The following CRMP1 variants were observed in gnomAD, a reference collection of about 807,000 sequenced individuals.
The protein encoded by CRMP1 is collapsin response mediator protein 1.
CRMP1 carries 19 observed loss-of-function variants against 68.3 expected under a neutral mutation model. The ratio of observed to expected loss-of-function variants is 0.28; its 90% CI spans 0.19 to 0.41. The LOEUF (loss-of-function observed/expected upper bound fraction) is 0.41, where lower values mean the gene tolerates loss of function less well. CRMP1 is among the 10% of genes least tolerant of loss of function. The pLI is 1.00. For missense variants in CRMP1, 791 were observed against 967.4 expected, an observed-to-expected ratio of 0.82 and a Z score of 2.42; for synonymous variants, 439 against 399.6, an observed-to-expected ratio of 1.10 and a Z score of -1.18.
rs971793643 is a variant in CRMP1 at position 5,833,304 on chromosome 4, C to A, written c.1623+2611G>T. On this transcript the variant is annotated intron_variant, in intron 11 of 13. Transcript: ENST00000324989. ...GCCTCAGCCTCCCGAGTAGCTGGGA[C>A]TACAGGCGCCCGCCACTACGCCCGG... Among the ~76,000 whole-genome samples, 6 of 131,262 alleles carry A rather than the reference C, an allele frequency of 4.6e-5. 1 individual carries two copies. The highest frequency in any genetic ancestry group is 8.2e-5 in the Non-Finnish European group (5 of 60,950). The allele number at this position is 131,262 out of a possible 152,430, so 86.1% of individuals were successfully genotyped here.
chr4:5,860,097 C>T lies in CRMP1; in HGVS notation c.655+929G>A, dbSNP rs1392591074. On this transcript the variant is annotated intron_variant, in intron 3 of 13. Transcript: ENST00000324989. This position sits in a 1 kb window ranked among gnomAD's most constrained non-coding sequence, Gnocchi z 4.2. ...CGAGCACTGCTGGGGAGTGGTCTCA[C>T]TGCCCGCAGTGTTTCCTTCCCTCCC... is the stretch of plus-strand genomic sequence containing the variant. 1.3e-5 allele frequency among the ~76,000 whole-genome samples: 2 copies of T among 152,092 alleles called. No individual in the cohort carries two copies. Among genetic ancestry groups the T allele is most frequent in the Non-Finnish European group, 1.5e-5 (1 of 68,002 alleles).
Position 5,841,774 on chromosome 4 carries a change from G to A in CRMP1, c.1033-346C>T, listed in dbSNP as rs908261046. 7.9e-5 allele frequency among the ~76,000 whole-genome samples: 12 copies of A among 152,246 alleles called. No homozygotes were observed. Among genetic ancestry groups the A allele is most frequent in the Admixed American group, 2.6e-4 (4 of 15,296 alleles). ...TGGGATCTCAAGCCCCTCAGGACAC[G>A]GAACCTGTCCACTCATGTGGACTCA... On this transcript the variant is annotated intron_variant, in intron 7 of 13. Transcript: ENST00000324989. This position sits in a 1 kb window ranked among gnomAD's most constrained non-coding sequence, Gnocchi z 6.9.
chr4:5,844,205 C>T (rs914496484), intron 6 of CRMP1, among the ~76,000 whole-genome samples: 5 of 152,018 alleles, frequency 3.3e-5, no homozygotes, highest in Admixed American at 1.3e-4. Flanking sequence ...TTGAAGTAAA[C>T]AATGGAATAA....
Position 5,865,815 on chromosome 4 carries a change from A to C in CRMP1, c.470+853T>G, listed in dbSNP as rs941157237. ...CAGGAGTGGGGCTGGAATCCAACAA[A>C]ACTGGTGACCTTAGAAGAAGAGACC... is the stretch of plus-strand genomic sequence containing the variant. On this transcript the variant is annotated intron_variant, in intron 2 of 13. Transcript: ENST00000324989. The surrounding 1 kb of genome is among the most constrained non-coding windows in gnomAD (Gnocchi z 4.1). 6.6e-6 allele frequency among the ~76,000 whole-genome samples: 1 copy of C among 152,084 alleles called. No homozygotes were observed. The highest frequency in any genetic ancestry group is 1.9e-4 in the East Asian group (1 of 5,164).
Position 5,891,219 on chromosome 4 carries a change from C to T in CRMP1, c.381+1370G>A, listed in dbSNP as rs1715936140. 6.6e-6 allele frequency among the ~76,000 whole-genome samples: 1 copy of T among 151,686 alleles called. No homozygotes were observed. The highest frequency in any genetic ancestry group is 1.5e-5 in the Non-Finnish European group (1 of 67,962). Reference sequence around the variant, plus strand: ...ACACACACACACACACACACCCTTGCTGTTGGACCTCTCCCTCGCGAGGCT... The same window carrying T: ...ACACACACACACACACACACCCTTGTTGTTGGACCTCTCCCTCGCGAGGCT... On this transcript the variant is annotated intron_variant, in intron 1 of 13. Coordinates refer to ENST00000324989, the MANE Select transcript of CRMP1 (RefSeq NM_001014809.3). This position sits in a 1 kb window ranked among gnomAD's most constrained non-coding sequence, Gnocchi z 5.2.
intron 11 of CRMP1, among the ~76,000 whole-genome samples, chr4:5,832,610 A>G (rs777242834): frequency 2.6e-5 from 4 of 152,220 alleles, no homozygotes; most frequent in Non-Finnish European, 4.4e-5. Flanking sequence ...TGTGGATGGC[A>G]TTGCTTTGGA....
In CRMP1 at chr4:5,870,287, T is replaced by C. The variant is rs768542817; in HGVS notation, c.382-3531A>G. 6.6e-6 allele frequency among the ~76,000 whole-genome samples: 1 copy of C among 152,236 alleles called. No homozygotes were observed. The highest frequency in any genetic ancestry group is 1.5e-5 in the Non-Finnish European group (1 of 68,040). On this transcript the variant is annotated intron_variant, in intron 1 of 13. Coordinates refer to ENST00000324989, the MANE Select transcript of CRMP1 (RefSeq NM_001014809.3). The surrounding 1 kb of genome is among the most constrained non-coding windows in gnomAD (Gnocchi z 6.0). ...TGGCCCTACATCCCTTACCCGTTTA[T>C]GTATTCACAGTATTTACGGCACATC...
At position 5,860,742 on chromosome 4, in the gene CRMP1, G is replaced by C. The variant is rs753332897; in HGVS notation, c.655+284C>G. ...AAATGTGACTTCAGTCTCATGCTAA[G>C]CGATTATATCAATGAGATGTTGTTT... On this transcript the variant is annotated intron_variant, in intron 3 of 13. Coordinates refer to ENST00000324989, the MANE Select transcript of CRMP1 (RefSeq NM_001014809.3). This position sits in a 1 kb window ranked among gnomAD's most constrained non-coding sequence, Gnocchi z 4.2. Among the ~76,000 whole-genome samples the C allele has an allele frequency of 6.6e-6, 1 of 151,790 alleles. No homozygotes were observed.
rs1443408995 is a variant in CRMP1, at chr4:5,850,666, A to G, written c.882+742T>C. Among the ~76,000 whole-genome samples, 3 of 152,180 alleles carry G rather than the reference A, an allele frequency of 2.0e-5. No individual in the cohort carries two copies. The highest frequency in any genetic ancestry group is 7.2e-5 in the African/African-American group (3 of 41,458). On this transcript the variant is annotated intron_variant, in intron 5 of 13. Coordinates refer to ENST00000324989, the MANE Select transcript of CRMP1 (RefSeq NM_001014809.3). The surrounding 1 kb of genome is among the most constrained non-coding windows in gnomAD (Gnocchi z 4.4). Reference sequence around the variant, plus strand: ...TAAGGTAGGGCTATCATGAGCCTAAAGCACAGAGAAGTTGGGAAAGCTGCC... The same window carrying G: ...TAAGGTAGGGCTATCATGAGCCTAAGGCACAGAGAAGTTGGGAAAGCTGCC...
intron 1 of CRMP1, among the ~76,000 whole-genome samples, chr4:5,880,751 A>T (rs1715171766): frequency 1.3e-5 from 2 of 152,140 alleles, no homozygotes; most frequent in South Asian, 4.1e-4. Flanking sequence ...CCTTCATCTC[A>T]TTCTGCATAG....
rs1712569250 is a variant in CRMP1, at chr4:5,850,867, C to T, written c.882+541G>A. Among the ~76,000 whole-genome samples, 1 of 152,222 alleles carries T rather than the reference C, an allele frequency of 6.6e-6. No homozygotes were observed. On this transcript the variant is annotated intron_variant, in intron 5 of 13. Coordinates refer to ENST00000324989, the MANE Select transcript of CRMP1 (RefSeq NM_001014809.3). The surrounding 1 kb of genome is among the most constrained non-coding windows in gnomAD (Gnocchi z 4.4). ...CCTCCTGAAGAACAACTTGCGGCTC[C>T]ATATCCCTTGACTTGGTGCATGTAC...
chr4:5,887,785 C>G (rs1577854358), intron 1 of CRMP1: 1 of 988,866 alleles, frequency 1.0e-6, no homozygotes, highest in Non-Finnish European at 1.2e-6. Flanking sequence ...CCTCCTCCAG[C>G]GGGGGAGGTA....
intron 11 of CRMP1, 131 bp downstream of exon 11, chr4:5,835,784 A>C (rs777462479): frequency 9.1e-7 from 1 of 1,098,710 alleles, no homozygotes; most frequent in South Asian, 3.4e-5. Context: ...GAGAAATGGG[A>C]ATGACTGAGT....
In CRMP1 at chr4:5,821,669, A is replaced by G. The variant is rs536678068; in HGVS notation, c.*91T>C. 1.8e-5 allele frequency: 23 copies of G among 1,264,696 alleles called. No homozygotes were observed. Among genetic ancestry groups the G allele is most frequent in the African/African-American group, 2.9e-5 (2 of 67,822 alleles). 78.3% of individuals were successfully genotyped at this position (1,264,696 alleles called of 1,614,324 possible). A position where few individuals can be genotyped will look rare whatever the true frequency, so the allele number is the denominator to read the frequency against. Reference sequence around the variant, plus strand: ...CTTCCCCCTCCCTCCATCAGCACCAACTAAAACTGTGGGTTTCAAAAACAC... The same window carrying G: ...CTTCCCCCTCCCTCCATCAGCACCAGCTAAAACTGTGGGTTTCAAAAACAC... On this transcript the variant is annotated 3_prime_UTR_variant, in exon 14 of 14. Coordinates refer to ENST00000324989, the MANE Select transcript of CRMP1 (RefSeq NM_001014809.3). This position sits in a 1 kb window ranked among gnomAD's most constrained non-coding sequence, Gnocchi z 4.4.
rs755289455 is a variant in CRMP1, at chr4:5,836,758, G to T, written c.1452+7C>A. The T allele has an allele frequency of 6.2e-7, 1 of 1,614,088 alleles. No homozygotes were observed. Among genetic ancestry groups the T allele is most frequent in the Non-Finnish European group, 8.5e-7 (1 of 1,179,966 alleles). On this transcript the variant is annotated splice_region_variant and intron_variant, in intron 10 of 13. Coordinates refer to ENST00000324989, the MANE Select transcript of CRMP1 (RefSeq NM_001014809.3). ...TAGAATGCTCCTGAGAAGAGATCCA[G>T]CCTTACCACCGCCTTGTCCCAGACG...
At position 5,825,868 on chromosome 4, in the gene CRMP1, CACATCTACATACCCACATGCATACACAT is replaced by C. The variant is rs137989122; in HGVS notation, c.1804-237_1804-210del. On this transcript the variant is annotated intron_variant, in intron 12 of 13. Coordinates refer to ENST00000324989, the MANE Select transcript of CRMP1 (RefSeq NM_001014809.3). The surrounding 1 kb of genome is among the most constrained non-coding windows in gnomAD (Gnocchi z 4.4). ...TCATACACACAAGCATGCATACACA[CACATCTACATACCCACATGCATACACAT>C]ACAGACGCACACACCACGCACACGC... 4.5e-3 allele frequency: 2,551 copies of C among 561,906 alleles called. 14 individuals carry two copies. The highest frequency in any genetic ancestry group is 6.1e-3 in the Non-Finnish European group (1,977 of 322,318). 34.8% of individuals were successfully genotyped at this position (561,906 alleles called of 1,614,324 possible). A position where few individuals can be genotyped will look rare whatever the true frequency, so the allele number is the denominator to read the frequency against.
At position 5,892,617 on chromosome 4, in the gene CRMP1, T is replaced by TCGCGGGG. The variant is rs1716002120; in HGVS notation, c.346_352dup (p.Asp118AlafsTer14). The TCGCGGGG allele has an allele frequency of 1.7e-6, 2 of 1,188,768 alleles. No homozygotes were observed. The highest frequency in any genetic ancestry group is 2.1e-6 in the Non-Finnish European group (2 of 960,402). The allele number at this position is 1,188,768 out of a possible 1,614,324, so 73.6% of individuals were successfully genotyped here. ...GCCATTGTCCCGGCCGAGGGGCAGG[T>TCGCGGGG]CGCGGGGCGCGGGGCGGCGGATGCG... On this transcript the variant is annotated frameshift_variant, in exon 1 of 14. Transcript: ENST00000324989. LOFTEE classifies it high-confidence loss of function. The surrounding 1 kb of genome is among the most constrained non-coding windows in gnomAD (Gnocchi z 8.6).
In CRMP1 at chr4:5,860,402, C is replaced by G. The variant is rs1014320825; in HGVS notation, c.655+624G>C. Among the ~76,000 whole-genome samples, 1 of 152,180 alleles carries G rather than the reference C, an allele frequency of 6.6e-6. No homozygotes were observed. Among genetic ancestry groups the G allele is most frequent in the Admixed American group, 6.5e-5 (1 of 15,280 alleles). On this transcript the variant is annotated intron_variant, in intron 3 of 13. Coordinates refer to ENST00000324989, the MANE Select transcript of CRMP1 (RefSeq NM_001014809.3). The surrounding 1 kb of genome is among the most constrained non-coding windows in gnomAD (Gnocchi z 4.2). ...CAGCCACTCCAGCCCCACTCCCACTCCTGCACACCCTCAAATGAGAAAAAC... is the reference window on the plus strand; with the variant it reads ...CAGCCACTCCAGCCCCACTCCCACTGCTGCACACCCTCAAATGAGAAAAAC...
intron 9 of CRMP1, among the ~76,000 whole-genome samples, chr4:5,837,678 T>TAAAATAAAATAAAAGAAAATAAAATA (rs142096286): frequency 7.9e-6 from 1 of 126,268 alleles, no homozygotes; most frequent in Admixed American, 7.6e-5. Flanking sequence ...TAAAATAAAA[T>TAAAATAAAATAAAAGAAAATAAAATA]AAATAAAATA....
Sources: gnomAD v4.1 joint callset for allele counts (sites outside exome capture counted in the v4.1 genomes callset) on GRCh38, gnomAD v4.1.1 for gene constraint, Gnocchi (gnomAD v3.1) non-coding constraint, MANE v1.5 for transcripts, NCBI Gene and HGNC (gene_info 2026-07-23, HGNC 2026-07-21) for gene names.